SHROOM2: variants seen among roughly 807,000 people sequenced by gnomAD.
The protein encoded by SHROOM2 is shroom family member 2, also known as protein Shroom2.
A neutral mutation model predicts 75.9 loss-of-function variants in SHROOM2; 33 were observed. The observed-to-expected ratio is 0.43, with a 90% CI of 0.33 to 0.58. The LOEUF is 0.58. SHROOM2 is among the 20% of genes least tolerant of loss of function. The pLI, the probability that SHROOM2 is intolerant of heterozygous loss-of-function variation, is 0.04. For synonymous variants in SHROOM2, 655 were observed against 663.6 expected, an observed-to-expected ratio of 0.99 and a Z score of 0.20; for missense variants, 1,434 against 1,461.2, an observed-to-expected ratio of 0.98 and a Z score of 0.30.
intron 1 of SHROOM2, among the ~76,000 whole-genome samples, chrX:9,795,600 A>G (rs1304426369): frequency 9.0e-6 from 1 of 111,317 alleles, no homozygotes; most frequent in Non-Finnish European, 1.9e-5. Flanking sequence ...TCAAATGTCT[A>G]GTGCTCCTTG....
rs772625017 is a variant in SHROOM2 at position 9,873,682 on chromosome X, G to A, written c.196G>A (p.Asp66Asn). 1.2e-5 allele frequency: 14 copies of A among 1,209,966 alleles called. No homozygotes were observed. The highest frequency in any genetic ancestry group is 3.5e-5 in the African/African-American group (2 of 57,264). The change falls in exon 2 of 10, where the codon GAC becomes AAC. Residue 66 changes from aspartate to asparagine, a missense_variant. This residue lies in a region of SHROOM2 where 1,340 missense variants were observed against 1,338.3 expected (regional missense o/e 1.00). Coordinates refer to ENST00000380913, the MANE Select transcript of SHROOM2 (RefSeq NM_001649.4). Reference protein sequence around the residue: ...IEEGSKAAAVDKLLAGDEIVG... With the variant: ...IEEGSKAAAVNKLLAGDEIVG... ...AGAGGGCAGTAAAGCCGCGGCGGTC[G>A]ACAAGTTACTGGCTGGAGATGAGAT...
chrX:9,895,770 G>A lies in SHROOM2; in HGVS notation c.1862G>A (p.Arg621Gln), dbSNP rs139350587. Residue 621 changes from arginine to glutamine, a missense_variant, in exon 4 of 10, where the codon CGA (arginine) becomes CAA (glutamine). Arg to Gln is a conservative substitution (Grantham distance 43). Around this residue, in one of 3 missense-constraint regions of SHROOM2, gnomAD observed 1,340 missense variants for 1,338.3 expected, o/e 1.00. Coordinates refer to ENST00000380913, the MANE Select transcript of SHROOM2 (RefSeq NM_001649.4). ...PFDAHVGKPT[R>Q]RSDRFATTLR... The stretch of plus-strand genomic sequence containing the variant: ...GACGCCCACGTGGGCAAGCCCACCC[G>A]AAGAAGCGACCGCTTTGCCACCACC... The A allele has an allele frequency of 9.1e-5, 109 of 1,201,073 alleles. No individual in the cohort carries two copies. In the East Asian group the frequency reaches 1.5e-3, roughly 17 times the overall value.
At chrX:9,892,245 C>T (rs1184471603) in intron 3 of SHROOM2, among the ~76,000 whole-genome samples, 2 of 99,954 alleles carry the variant, frequency 2.0e-5, no homozygotes, top group African/African-American at 7.5e-5. Context: ...AGAGCAAGAC[C>T]TCGTCTCTTA....
Position 9,792,086 on chromosome X carries a change from GAATA to G in SHROOM2, c.165+5377_165+5380del. Among the ~76,000 whole-genome samples the G allele has an allele frequency of 2.4e-4, 3 of 12,750 alleles. 1 individual carries two copies. The Admixed American group carries it at 4.5e-3, about 19-fold the overall frequency. The allele number at this position is 12,750 out of a possible 115,157, so 11.1% of individuals were successfully genotyped here. On this transcript the variant is annotated intron_variant, in intron 1 of 9. Transcript: ENST00000380913. ...GAATAGAATAGAATAGAATAGAATA[GAATA>G]GAATAGAATAGAATAGAATAGAATA...
chrX:9,917,535 T>G (rs2283701), intron 5 of SHROOM2, among the ~76,000 whole-genome samples: 48 of 102,342 alleles, frequency 4.7e-4, no homozygotes, highest in East Asian at 3.6e-3. Flanking sequence ...TGTTGTTGTT[T>G]TTTGAGATGG....
chrX:9,887,947 A>C (rs2084269815), intron 2 of SHROOM2, among the ~76,000 whole-genome samples: 1 of 113,197 alleles, frequency 8.8e-6, no homozygotes. Flanking sequence ...GCCATTGAGC[A>C]CTCGCAATGT....
chrX:9,862,606 G>A (rs1251281494), intron 1 of SHROOM2, among the ~76,000 whole-genome samples: 1 of 111,930 alleles, frequency 8.9e-6, no homozygotes, highest in East Asian at 2.8e-4. Flanking sequence ...GCCACTGTGT[G>A]TGCCACATGA....
chrX:9,802,928 T>TTTTTTC (rs1440868976), intron 1 of SHROOM2, among the ~76,000 whole-genome samples: 60 of 104,491 alleles, frequency 5.7e-4, no homozygotes, highest in African/African-American at 2.1e-3. Flanking sequence ...CAGATTTCTT[T>TTTTTTC]TTTTTTTTTT....
At chrX:9,875,402 A>T (rs766385191) in intron 2 of SHROOM2, among the ~76,000 whole-genome samples, 1 of 111,089 alleles carries the variant, frequency 9.0e-6, no homozygotes, top group East Asian at 2.8e-4. Context: ...TGTTCTGCAG[A>T]GGTAAGACGA....
At chrX:9,919,577 C>A (rs766373923) in intron 5 of SHROOM2, among the ~76,000 whole-genome samples, 7 of 109,387 alleles carry the variant, frequency 6.4e-5, no homozygotes, top group African/African-American at 2.0e-4. Context: ...TGATCTGCCC[C>A]CCTCAGCCTC....
chrX:9,865,110 G>A (rs946081235), intron 1 of SHROOM2: 3 of 112,137 alleles, frequency 2.7e-5, no homozygotes, highest in African/African-American at 9.7e-5. Context: ...AGTATGCTTT[G>A]TGCTGTAGGA....
chrX:9,850,854 A>G (rs956594633), intron 1 of SHROOM2, among the ~76,000 whole-genome samples: 4 of 98,941 alleles, frequency 4.0e-5, no homozygotes, highest in Non-Finnish European at 8.4e-5. Flanking sequence ...AAAAGAGAAA[A>G]CAAACAGAAA....
chrX:9,855,658 A>G (rs992910770), intron 1 of SHROOM2, among the ~76,000 whole-genome samples: 17 of 111,958 alleles, frequency 1.5e-4, no homozygotes, highest in African/African-American at 5.5e-4. Context: ...ACAGCTTTGG[A>G]GCTGAGACTT....
chrX:9,944,585 G>T, intron 8 of SHROOM2, 56 bp from the exon 9 acceptor site: 1 of 1,132,690 alleles, frequency 8.8e-7, no homozygotes, highest in Non-Finnish European at 1.2e-6. Flanking sequence ...TGTGGCCGGG[G>T]TGGGGGCCGG....
intron 1 of SHROOM2, among the ~76,000 whole-genome samples, chrX:9,853,752 G>A (rs1286683770): frequency 8.9e-6 from 1 of 112,061 alleles, no homozygotes; most frequent in Non-Finnish European, 1.9e-5. Flanking sequence ...CAGAGGTGAG[G>A]CTTCAACATA....
chrX:9,797,400 T>C (rs1400401937), intron 1 of SHROOM2, among the ~76,000 whole-genome samples: 1 of 112,592 alleles, frequency 8.9e-6, no homozygotes, highest in East Asian at 2.8e-4. Context: ...CATTGTATGT[T>C]TTTTGGATTA....
intron 2 of SHROOM2, among the ~76,000 whole-genome samples, chrX:9,885,162 G>A (rs2084253775): frequency 8.9e-6 from 1 of 112,237 alleles, no homozygotes; most frequent in Non-Finnish European, 1.9e-5. Context: ...CAGGATGAAA[G>A]GGAATACACA....
chrX:9,902,279 G>A (rs184337482), intron 5 of SHROOM2, among the ~76,000 whole-genome samples: 12 of 108,714 alleles, frequency 1.1e-4, no homozygotes, highest in Non-Finnish European at 1.5e-4. Context: ...GGGAGGGTGA[G>A]TGGGTGGATA....
intron 1 of SHROOM2, chrX:9,819,292 G>T: frequency 1.7e-6 from 1 of 579,044 alleles, no homozygotes; most frequent in Non-Finnish European, 2.8e-6. Flanking sequence ...ATGTAACAAT[G>T]TATCCCACCA....
Sources: gnomAD v4.1 joint callset for allele counts (sites outside exome capture counted in the v4.1 genomes callset) on GRCh38, gnomAD v4.1.1 for gene constraint, gnomAD v4.1.1 regional missense constraint, MANE v1.5 for transcripts, NCBI Gene and HGNC (gene_info 2026-07-23, HGNC 2026-07-21) for gene names.